Variants in WWOX observed in about 807,000 individuals in gnomAD.
WWOX encodes the protein WW domain-containing oxidoreductase.
WWOX carries 69 observed loss-of-function variants against 46.2 expected under a neutral mutation model. That is an observed-to-expected ratio of 1.49 (90% CI 1.23 to 1.82). The LOEUF (loss-of-function observed/expected upper bound fraction) is 1.82, where lower values mean the gene tolerates loss of function less well. Ranked by LOEUF, WWOX falls within the 40% of genes most tolerant of loss-of-function variation. WWOX has a pLI of 0.00. For missense variants in WWOX, 919 were observed against 542.6 expected (o/e 1.69, Z -6.89); for synonymous variants, 359 against 202.6 (o/e 1.77, Z -6.56).
chr16:78,321,404 GTA>G (rs200078504), intron 5 of WWOX, among the ~76,000 whole-genome samples: 5,611 of 119,728 alleles, frequency 0.047, 469 homozygotes, highest in East Asian at 0.23. Flanking sequence ...GTATATATAC[GTA>G]TATATATATG....
In WWOX at chr16:78,711,510, G is replaced by A. The variant is rs141328916; in HGVS notation, c.1056+278758G>A. Among the ~76,000 whole-genome samples the A allele has an allele frequency of 7.1e-3, 1,079 of 152,296 alleles. 7 individuals are homozygous for A. The highest frequency in any genetic ancestry group is 0.016 in the Admixed American group (241 of 15,300). ...ACTATCAATTTTAGAGCATACAGCT[G>A]TTCTAGAATAATAGTTTGAAAGGCC... On this transcript the variant is annotated intron_variant, in intron 8 of 8. Transcript: ENST00000566780.
chr16:78,671,520 AG>A (rs1233135411), intron 8 of WWOX, among the ~76,000 whole-genome samples: 3 of 152,208 alleles, frequency 2.0e-5, no homozygotes, highest in Non-Finnish European at 2.9e-5. Flanking sequence ...GTGATGGTTT[AG>A]CTTATTTAGT....
chr16:78,466,952 TA>T (rs2084094020), intron 8 of WWOX, among the ~76,000 whole-genome samples: 1 of 147,772 alleles, frequency 6.8e-6, no homozygotes, highest in South Asian at 2.2e-4. Flanking sequence ...CCCAGTAAAG[TA>T]AACAGATCTT....
At chr16:78,913,878 C>A (rs932236260) in intron 8 of WWOX, among the ~76,000 whole-genome samples, 1 of 151,946 alleles carries the variant, frequency 6.6e-6, no homozygotes, top group Non-Finnish European at 1.5e-5. Flanking sequence ...CCAGGCTGGT[C>A]TCAAAGTCCT....
At chr16:79,156,941 A>T (rs1223711015) in intron 8 of WWOX, among the ~76,000 whole-genome samples, 2 of 152,254 alleles carry the variant, frequency 1.3e-5, no homozygotes, top group African/African-American at 4.8e-5. Context: ...GTGAATTATC[A>T]TCAGAAGAAT....
At chr16:78,406,053 G>T (rs980826065) in intron 6 of WWOX, among the ~76,000 whole-genome samples, 7 of 151,950 alleles carry the variant, frequency 4.6e-5, no homozygotes, top group Admixed American at 4.6e-4. Context: ...TTCTGAGGGT[G>T]TCTCACGTGA....
intron 8 of WWOX, among the ~76,000 whole-genome samples, chr16:78,692,976 C>T (rs1051701899): frequency 2.0e-5 from 3 of 152,182 alleles, no homozygotes; most frequent in African/African-American, 7.2e-5. Flanking sequence ...CCTGGGGATG[C>T]CTTTTGCTAT....
At chr16:78,741,536 C>T (rs142368798) in intron 8 of WWOX, among the ~76,000 whole-genome samples, 6,560 of 151,608 alleles carry the variant, frequency 0.043, 197 homozygotes, top group Non-Finnish European at 0.066. Context: ...CCAGCCTGGG[C>T]GACAGAGTGA....
At chr16:78,699,272 G>A (rs1009501018) in intron 8 of WWOX, among the ~76,000 whole-genome samples, 34 of 152,190 alleles carry the variant, frequency 2.2e-4, no homozygotes, top group African/African-American at 8.0e-4. Flanking sequence ...GATGGCTCAC[G>A]CCTGTGATCC....
chr16:78,263,214 C>T (rs1015359747), intron 5 of WWOX, among the ~76,000 whole-genome samples: 2 of 152,146 alleles, frequency 1.3e-5, no homozygotes, highest in Admixed American at 6.5e-5. Flanking sequence ...CACTTCAGAG[C>T]GAGACTTCCT....
At chr16:79,115,457 GC>G (rs1567560043) in intron 8 of WWOX, among the ~76,000 whole-genome samples, 26 of 124,434 alleles carry the variant, frequency 2.1e-4, no homozygotes, top group Non-Finnish European at 4.3e-4. Context: ...CACAGGTGCT[GC>G]TCTTGTTATA....
At chr16:78,339,209 G>A (rs1460927882) in intron 5 of WWOX, among the ~76,000 whole-genome samples, 1 of 119,110 alleles carries the variant, frequency 8.4e-6, no homozygotes, top group Non-Finnish European at 2.0e-5. Flanking sequence ...GCACCACTAT[G>A]CCATGTAGCA....
intron 8 of WWOX, among the ~76,000 whole-genome samples, chr16:78,838,797 C>G (rs927211390): frequency 1.6e-4 from 24 of 152,088 alleles, no homozygotes; most frequent in African/African-American, 4.6e-4. Flanking sequence ...GAGCCCAGAT[C>G]GTGCCCCTGT....
At chr16:78,480,389 TTTA>T (rs1296033283) in intron 8 of WWOX, among the ~76,000 whole-genome samples, 2 of 152,246 alleles carry the variant, frequency 1.3e-5, no homozygotes, top group African/African-American at 2.4e-5. Context: ...AACTCTTTCA[TTTA>T]TTATTAAACA....
intron 8 of WWOX, among the ~76,000 whole-genome samples, chr16:78,729,286 G>A (rs1230840434): frequency 6.6e-6 from 1 of 151,736 alleles, no homozygotes; most frequent in East Asian, 1.9e-4. Context: ...AGGCTGTAGT[G>A]AGCTATGATT....
intron 8 of WWOX, among the ~76,000 whole-genome samples, chr16:78,843,677 C>A (rs189977392): frequency 6.6e-6 from 1 of 152,106 alleles, no homozygotes; most frequent in South Asian, 2.1e-4. Context: ...ATTCCCTCTC[C>A]GTGGCTCAGC....
intron 8 of WWOX, among the ~76,000 whole-genome samples, chr16:78,849,504 G>T (rs1292238025): frequency 1.3e-5 from 2 of 149,892 alleles, no homozygotes; most frequent in African/African-American, 4.9e-5. Context: ...AACCCGGGAG[G>T]CGGAGCTTGC....
chr16:78,993,839 G>C (rs141638239), intron 8 of WWOX, among the ~76,000 whole-genome samples: 2 of 152,210 alleles, frequency 1.3e-5, no homozygotes, highest in African/African-American at 4.8e-5. Flanking sequence ...CAAGACGCCT[G>C]TTCTCCACGG....
intron 8 of WWOX, among the ~76,000 whole-genome samples, chr16:79,144,929 A>G (rs866838160): frequency 5.1e-4 from 78 of 152,180 alleles, no homozygotes; most frequent in African/African-American, 1.6e-3. Context: ...GTATGTATGT[A>G]TAGGAAGAAA....
Sources: allele counts gnomAD v4.1 joint callset (sites outside exome capture counted in the v4.1 genomes callset), GRCh38; gene constraint gnomAD v4.1.1; transcripts MANE v1.5; gene names NCBI Gene and HGNC (gene_info 2026-07-23, HGNC 2026-07-21).